Variants in DLGAP1 observed in about 807,000 individuals in gnomAD.
The protein encoded by DLGAP1 is disks large-associated protein 1.
DLGAP1 carries 11 observed loss-of-function variants against 90.8 expected under a neutral mutation model. The ratio of observed to expected loss-of-function variants is 0.12; its 90% CI spans 0.08 to 0.20. The LOEUF is 0.20. Ranked by LOEUF, DLGAP1 falls within the 10% of genes least tolerant of loss-of-function variation. DLGAP1 has a pLI of 1.00. For synonymous variants in DLGAP1, 558 were observed against 540.7 expected (o/e 1.03, Z -0.44); for missense variants, 1,050 against 1,333.8 (o/e 0.79, Z 3.31).
At chr18:3,549,886 C>T (rs1046522666) in intron 9 of DLGAP1, among the ~76,000 whole-genome samples, 1 of 151,760 alleles carries the variant, frequency 6.6e-6, no homozygotes, top group Non-Finnish European at 1.5e-5. Context: ...GAGATAGGAC[C>T]TTTATTTAAT....
At chr18:3,659,200 C>T (rs1006098499) in intron 7 of DLGAP1, among the ~76,000 whole-genome samples, 8 of 151,890 alleles carry the variant, frequency 5.3e-5, no homozygotes, top group East Asian at 1.9e-4. Context: ...AATTGTACAA[C>T]GAGTGGGAAA....
intron 3 of DLGAP1, among the ~76,000 whole-genome samples, chr18:3,891,002 T>G (rs1395839797): frequency 6.6e-6 from 1 of 152,228 alleles, no homozygotes; most frequent in Non-Finnish European, 1.5e-5. Context: ...ACATATGACT[T>G]TAATTCAACA....
intron 5 of DLGAP1, among the ~76,000 whole-genome samples, chr18:3,809,499 G>T (rs959570832): frequency 6.6e-6 from 1 of 152,144 alleles, no homozygotes; most frequent in Non-Finnish European, 1.5e-5. Context: ...ATTTAGAACT[G>T]AAAATAAATC....
intron 2 of DLGAP1, among the ~76,000 whole-genome samples, chr18:4,088,642 T>G (rs2075722997): frequency 6.6e-6 from 1 of 151,590 alleles, no homozygotes; most frequent in African/African-American, 2.4e-5. Flanking sequence ...TTTTGGGAGG[T>G]TTTTAACCTG....
chr18:4,049,622 T>G (rs1424956762), intron 2 of DLGAP1, among the ~76,000 whole-genome samples: 1 of 152,202 alleles, frequency 6.6e-6, no homozygotes, highest in Non-Finnish European at 1.5e-5. Context: ...AGCTCCCTCC[T>G]GGGACTGGGC....
At chr18:4,210,557 T>G (rs895800959) in intron 1 of DLGAP1, among the ~76,000 whole-genome samples, 4 of 152,164 alleles carry the variant, frequency 2.6e-5, no homozygotes, top group Non-Finnish European at 5.9e-5. Flanking sequence ...CCTTGATTGA[T>G]TCAATATTTA....
chr18:4,310,931 G>A (rs1227695546), intron 1 of DLGAP1, among the ~76,000 whole-genome samples: 1 of 152,102 alleles, frequency 6.6e-6, no homozygotes, highest in Non-Finnish European at 1.5e-5. Context: ...GAACACCGTA[G>A]GTGCCTTACA....
chr18:3,527,952 G>C (rs1161523738), intron 10 of DLGAP1, among the ~76,000 whole-genome samples: 11 of 152,138 alleles, frequency 7.2e-5, no homozygotes, highest in African/African-American at 2.7e-4. Context: ...CCACAGTGAA[G>C]TGTACCATTC....
intron 3 of DLGAP1, among the ~76,000 whole-genome samples, chr18:3,989,960 G>C (rs553366323): frequency 6.6e-6 from 1 of 151,888 alleles, no homozygotes. Context: ...TTAGAATGGC[G>C]ATCATTAAAA....
At chr18:4,348,702 G>C (rs552902193) in intron 1 of DLGAP1, among the ~76,000 whole-genome samples, 1 of 152,222 alleles carries the variant, frequency 6.6e-6, no homozygotes, top group East Asian at 1.9e-4. Context: ...TAGTGCCACA[G>C]TGAGCATGTG....
chr18:4,420,423 A>G (rs2083002291), intron 1 of DLGAP1, among the ~76,000 whole-genome samples: 1 of 152,168 alleles, frequency 6.6e-6, no homozygotes, highest in Non-Finnish European at 1.5e-5. Flanking sequence ...TAGACTGGCT[A>G]TATTCTGGCT....
intron 6 of DLGAP1, among the ~76,000 whole-genome samples, chr18:3,737,211 A>G (rs1195594215): frequency 1.3e-5 from 2 of 151,606 alleles, no homozygotes; most frequent in Non-Finnish European, 2.9e-5. Flanking sequence ...AACTGGTACC[A>G]TTCCTTCTGA....
intron 7 of DLGAP1, among the ~76,000 whole-genome samples, chr18:3,650,290 T>A (rs762075451): frequency 6.6e-6 from 1 of 152,166 alleles, no homozygotes; most frequent in Non-Finnish European, 1.5e-5. Flanking sequence ...GTGATGCTCC[T>A]GCTTCAGCCT....
At chr18:3,790,012 T>G (rs370395180) in intron 5 of DLGAP1, among the ~76,000 whole-genome samples, 1 of 152,200 alleles carries the variant, frequency 6.6e-6, no homozygotes, top group African/African-American at 2.4e-5. Context: ...TGTTGGTAAG[T>G]TCTTCATGGC....
chr18:3,736,267 T>C (rs1306403144), intron 6 of DLGAP1, among the ~76,000 whole-genome samples: 1 of 152,230 alleles, frequency 6.6e-6, no homozygotes, highest in Non-Finnish European at 1.5e-5. Flanking sequence ...TACAATTCTT[T>C]CTTCTCAAGC....
At chr18:4,287,182 A>G (rs2079720151) in intron 1 of DLGAP1, among the ~76,000 whole-genome samples, 1 of 152,192 alleles carries the variant, frequency 6.6e-6, no homozygotes, top group Non-Finnish European at 1.5e-5. Flanking sequence ...CGTAAGTCTG[A>G]GAATAAATGA....
chr18:3,857,441 A>G (rs1475334060), intron 4 of DLGAP1, among the ~76,000 whole-genome samples: 1 of 152,210 alleles, frequency 6.6e-6, no homozygotes, highest in Non-Finnish European at 1.5e-5. Flanking sequence ...AAAATAATAA[A>G]CATTTATCAA....
At chr18:4,300,972 A>G (rs1180017676) in intron 1 of DLGAP1, among the ~76,000 whole-genome samples, 1 of 152,052 alleles carries the variant, frequency 6.6e-6, no homozygotes, top group African/African-American at 2.4e-5. Flanking sequence ...TATCCTCTTT[A>G]ATTTTTTAAT....
rs183175789 is a variant in DLGAP1 at position 3,770,670 on chromosome 18, C to G, written c.1173-28158G>C. Among the ~76,000 whole-genome samples, 78 of 152,302 alleles carry G rather than the reference C, an allele frequency of 5.1e-4. 2 individuals carry two copies. The South Asian group carries it at 7.7e-3, about 15-fold the overall frequency. The stretch of plus-strand genomic sequence containing the variant: ...AGGAAATGTGAAGAATCATTAACTT[C>G]ACAGATTCTGAACAGAAAGTATAAT... On this transcript the variant is annotated intron_variant, in intron 5 of 12. Transcript: ENST00000315677.
Sources: allele counts gnomAD v4.1 joint callset (sites outside exome capture counted in the v4.1 genomes callset), GRCh38; gene constraint gnomAD v4.1.1; transcripts MANE v1.5; gene names NCBI Gene and HGNC (gene_info 2026-07-23, HGNC 2026-07-21).